PCDH9: variants seen among roughly 807,000 people sequenced by gnomAD.
The protein encoded by PCDH9 is protocadherin 9, also known as protocadherin-9.
Under a neutral mutation model 70.6 loss-of-function variants are expected in PCDH9, and 24 were observed. The ratio of observed to expected loss-of-function variants is 0.34; its 90% confidence interval spans 0.25 to 0.48. The LOEUF (loss-of-function observed/expected upper bound fraction) is 0.48, where lower values mean the gene tolerates loss of function less well. PCDH9 is among the 20% of genes least tolerant of loss of function. The probability of loss-of-function intolerance (pLI) is 0.99; values close to 1 mark genes in which losing one functional copy is unlikely to be tolerated. For missense variants in PCDH9, 1,281 were observed against 1,503.6 expected, an observed-to-expected ratio of 0.85 and a Z score of 2.45; for synonymous variants, 562 against 558.5, an observed-to-expected ratio of 1.01 and a Z score of -0.09.
chr13:66,782,882 T>C (rs1394980388), intron 3 of PCDH9: 1 of 152,240 alleles, frequency 6.6e-6, no homozygotes, highest in Non-Finnish European at 1.5e-5. Context: ...TTAATGTTTC[T>C]AAATTAATGA....
chr13:66,984,683 G>A (rs1456810941), intron 2 of PCDH9, among the ~76,000 whole-genome samples: 1 of 152,078 alleles, frequency 6.6e-6, no homozygotes, highest in Non-Finnish European at 1.5e-5. Context: ...ATCTACATAT[G>A]ATGAATTGCA....
At chr13:66,403,013 A>C (rs1957215237) in intron 4 of PCDH9, among the ~76,000 whole-genome samples, 1 of 152,232 alleles carries the variant, frequency 6.6e-6, no homozygotes, top group Non-Finnish European at 1.5e-5. Context: ...CTTAGACATA[A>C]AAGCTTCTAT....
intron 3 of PCDH9, among the ~76,000 whole-genome samples, chr13:66,731,412 T>A (rs2079078682): frequency 6.6e-6 from 1 of 152,132 alleles, no homozygotes. Flanking sequence ...TGAACTAAAT[T>A]TATTTTACTT....
chr13:67,087,946 T>C (rs1201742167), intron 2 of PCDH9, among the ~76,000 whole-genome samples: 1 of 152,048 alleles, frequency 6.6e-6, no homozygotes. Flanking sequence ...GTAACAGTTC[T>C]GAAGGAGGTT....
chr13:66,676,634 T>C (rs1186731451), intron 3 of PCDH9, among the ~76,000 whole-genome samples: 2 of 152,120 alleles, frequency 1.3e-5, no homozygotes, highest in Non-Finnish European at 2.9e-5. Flanking sequence ...TTTTCATATA[T>C]CGTCACTTCT....
At chr13:66,517,120 G>A (rs1959773376) in intron 4 of PCDH9, among the ~76,000 whole-genome samples, 1 of 152,090 alleles carries the variant, frequency 6.6e-6, no homozygotes, top group Middle Eastern at 3.4e-3. Flanking sequence ...AACTATATAT[G>A]GGACATTTCT....
At chr13:67,041,592 G>A (rs1555300523) in intron 2 of PCDH9, among the ~76,000 whole-genome samples, 1 of 152,090 alleles carries the variant, frequency 6.6e-6, no homozygotes, top group Non-Finnish European at 1.5e-5. Context: ...AGCACTTTGG[G>A]AGGCCAAGGG....
intron 2 of PCDH9, 58 bp downstream of exon 2, chr13:67,225,347 A>C (rs1365515270): frequency 6.5e-7 from 1 of 1,528,174 alleles, no homozygotes; most frequent in Non-Finnish European, 9.1e-7. Flanking sequence ...GCACGTTAAT[A>C]CTGGTTGACT....
chr13:67,190,651 A>G (rs1344390611), intron 2 of PCDH9, among the ~76,000 whole-genome samples: 4 of 152,054 alleles, frequency 2.6e-5, no homozygotes, highest in Admixed American at 2.6e-4. Flanking sequence ...TAAATTGTAG[A>G]ATAGAGAAGT....
intron 2 of PCDH9, among the ~76,000 whole-genome samples, chr13:67,060,062 G>A (rs774212637): frequency 3.3e-5 from 5 of 151,870 alleles, no homozygotes; most frequent in Non-Finnish European, 5.9e-5. Context: ...TTGTGCTATC[G>A]CTGTCTGTGT....
chr13:66,545,971 G>A (rs9564322), intron 4 of PCDH9, among the ~76,000 whole-genome samples: 81,146 of 151,146 alleles, frequency 0.54, 22,201 homozygotes, highest in East Asian at 0.67. Context: ...GAGTAGCTGG[G>A]ACTACAGGCA....
chr13:66,629,247 G>GT (rs2077538357), intron 4 of PCDH9, among the ~76,000 whole-genome samples: 1 of 152,172 alleles, frequency 6.6e-6, no homozygotes, highest in Admixed American at 6.6e-5. Context: ...TTGTGCAACT[G>GT]TTTTTTAAAT....
intron 4 of PCDH9, among the ~76,000 whole-genome samples, chr13:66,515,322 G>T (rs1004130910): frequency 3.3e-5 from 5 of 151,924 alleles, no homozygotes; most frequent in African/African-American, 1.2e-4. Flanking sequence ...CAATCAGACA[G>T]CATTACTTAT....
chr13:66,754,076 T>C (rs1255118782), intron 3 of PCDH9, among the ~76,000 whole-genome samples: 1 of 152,182 alleles, frequency 6.6e-6, no homozygotes, highest in Non-Finnish European at 1.5e-5. Context: ...TTCATTAAAT[T>C]ATTTCTTGAC....
chr13:66,722,526 G>C (rs980308694), intron 3 of PCDH9, among the ~76,000 whole-genome samples: 3 of 152,084 alleles, frequency 2.0e-5, no homozygotes, highest in African/African-American at 7.2e-5. Flanking sequence ...GACCCTATTG[G>C]TTTAGGTAGG....
chr13:66,304,980 G>A lies in PCDH9; in HGVS notation c.3389C>T (p.Thr1130Ile). 2 of 1,613,298 alleles carry A rather than the reference G, an allele frequency of 1.2e-6. No individual in the cohort carries two copies. Among genetic ancestry groups the A allele is most frequent in the Non-Finnish European group, 1.7e-6 (2 of 1,179,590 alleles). ...RGLAEATEMC[T>I]QECLVLGHSD... is the part of the protein sequence containing the mutation. ...GTGACCCAAAACCAAGCACTCTTGAGTGCACATCTCTGTAGCTTCAGCTAA... is the reference window on the plus strand; with the variant it reads ...GTGACCCAAAACCAAGCACTCTTGAATGCACATCTCTGTAGCTTCAGCTAA... Residue 1130 changes from threonine (T) to isoleucine (I), a missense_variant, in exon 5 of 5, where the codon ACT becomes ATT. Physicochemically the swap from Thr to Ile is moderately conservative, Grantham distance 89. Transcript: ENST00000377865.
chr13:66,553,742 C>T (rs917445866), intron 4 of PCDH9, among the ~76,000 whole-genome samples: 2 of 152,148 alleles, frequency 1.3e-5, no homozygotes, highest in African/African-American at 4.8e-5. Flanking sequence ...GAAACATGTA[C>T]ACAAAATGTG....
intron 4 of PCDH9, among the ~76,000 whole-genome samples, chr13:66,517,782 G>C (rs146644210): frequency 6.6e-6 from 1 of 151,938 alleles, no homozygotes; most frequent in Non-Finnish European, 1.5e-5. Context: ...AACAATTCTT[G>C]ATTTTTTTCC....
intron 3 of PCDH9, among the ~76,000 whole-genome samples, chr13:66,894,283 ACTAT>A: frequency 6.6e-6 from 1 of 151,868 alleles, no homozygotes; most frequent in Admixed American, 6.6e-5. Context: ...CACTGTCTGA[ACTAT>A]CTAAAGAAAA....
Sources: allele counts gnomAD v4.1 joint callset (sites outside exome capture counted in the v4.1 genomes callset), GRCh38; gene constraint gnomAD v4.1.1; transcripts MANE v1.5; gene names NCBI Gene and HGNC (gene_info 2026-07-23, HGNC 2026-07-21).